ITGAV: variants seen among roughly 807,000 people sequenced by gnomAD.
ITGAV encodes the protein integrin subunit alpha V, also known as integrin alpha-V.
In ITGAV, 76 loss-of-function variants were observed where a neutral mutation model predicts 143.8. The observed-to-expected ratio is 0.53, with a 90% CI of 0.44 to 0.64. The LOEUF (loss-of-function observed/expected upper bound fraction) is 0.64. Ranked by LOEUF, ITGAV falls within the 30% of genes least tolerant of loss-of-function variation. The probability of loss-of-function intolerance (pLI) is 0.00; values close to 1 mark genes in which losing one functional copy is unlikely to be tolerated. For synonymous variants in ITGAV, 453 were observed against 446.7 expected (o/e 1.01, Z -0.18); for missense variants, 1,193 against 1,274.7 (o/e 0.94, Z 0.98).
At chr2:186,653,106 C>T (rs533118775) in intron 15 of ITGAV, among the ~76,000 whole-genome samples, 4 of 151,744 alleles carry the variant, frequency 2.6e-5, no homozygotes, top group African/African-American at 4.8e-5. Flanking sequence ...CCAACACGCC[C>T]GGCTAATTTT....
intron 26 of ITGAV, among the ~76,000 whole-genome samples, chr2:186,675,065 G>C (rs1410714385): frequency 1.3e-5 from 2 of 152,178 alleles, no homozygotes; most frequent in Non-Finnish European, 2.9e-5. Context: ...AATACAGTGT[G>C]ATCAGCATAT....
intron 1 of ITGAV, among the ~76,000 whole-genome samples, chr2:186,598,547 C>G (rs1686812914): frequency 6.6e-6 from 1 of 150,816 alleles, no homozygotes; most frequent in Admixed American, 6.6e-5. Context: ...AAGTGATTCT[C>G]CTGCCTCAGC....
At chr2:186,602,432 A>G (rs564704723) in intron 2 of ITGAV, among the ~76,000 whole-genome samples, 1 of 152,266 alleles carries the variant, frequency 6.6e-6, no homozygotes, top group East Asian at 1.9e-4. Context: ...ACCTGTTAGG[A>G]TGTTTTTGTA....
At chr2:186,658,061 A>G (rs34840521) in intron 17 of ITGAV, among the ~76,000 whole-genome samples, 47,952 of 151,988 alleles carry the variant, frequency 0.32, 8,527 homozygotes, top group East Asian at 0.77. Context: ...TAGTCTTACA[A>G]TAGATGTAAA....
Position 186,654,676 on chromosome 2 carries a change from C to G in ITGAV, c.1532C>G (p.Ala511Gly). The G allele has an allele frequency of 6.4e-7, 1 of 1,556,828 alleles. No individual in the cohort carries two copies. Among genetic ancestry groups the G allele is most frequent in the Non-Finnish European group, 8.8e-7 (1 of 1,134,314 alleles). Residue 511 changes from alanine (A) to glycine (G), a missense_variant, in exon 16 of 30, where the codon GCA (alanine) becomes GGA (glycine). Physicochemically the swap from Ala to Gly is moderately conservative, Grantham distance 60 (BLOSUM62 0). Coordinates refer to ENST00000261023, the MANE Select transcript of ITGAV (RefSeq NM_002210.5). ...TTTAATGTTAGGTTCTGCTTAAAGG[C>G]AGATGGCAAAGGAGTACTTCCCAGG... ...SCFNVRFCLK[A>G]DGKGVLPRKL...
chr2:186,626,416 A>T (rs1445126753), intron 4 of ITGAV, among the ~76,000 whole-genome samples: 1 of 152,174 alleles, frequency 6.6e-6, no homozygotes, highest in Non-Finnish European at 1.5e-5. Flanking sequence ...AAAATAGGTT[A>T]CTGAAATGCA....
At chr2:186,635,411 T>C (rs1687922279) in intron 6 of ITGAV, among the ~76,000 whole-genome samples, 1 of 152,214 alleles carries the variant, frequency 6.6e-6, no homozygotes, top group Non-Finnish European at 1.5e-5. Context: ...GAGAAAGTGC[T>C]TCTGTGCTGT....
chr2:186,652,142 G>GCC, intron 15 of ITGAV, 53 bp downstream of exon 15: 1 of 1,122,118 alleles, frequency 8.9e-7, no homozygotes, highest in Non-Finnish European at 1.3e-6. Context: ...TTCAGGCATT[G>GCC]TAAGAACAAT....
intron 1 of ITGAV, among the ~76,000 whole-genome samples, chr2:186,597,254 C>T (rs556910373): frequency 1.3e-4 from 20 of 152,230 alleles, no homozygotes; most frequent in South Asian, 4.2e-4. Context: ...TAATAACTTC[C>T]GAGCTCTCTC....
intron 15 of ITGAV, among the ~76,000 whole-genome samples, chr2:186,653,530 T>G (rs1262464501): frequency 1.3e-5 from 2 of 152,232 alleles, no homozygotes; most frequent in Non-Finnish European, 2.9e-5. Flanking sequence ...TGAATATTTT[T>G]GAATTATTGT....
At chr2:186,611,030 G>A (rs1687201054) in intron 2 of ITGAV, among the ~76,000 whole-genome samples, 1 of 152,132 alleles carries the variant, frequency 6.6e-6, no homozygotes, top group African/African-American at 2.4e-5. Context: ...GCCAAATCAA[G>A]GTGAGAAACT....
At chr2:186,611,885 A>G (rs1460401756) in intron 2 of ITGAV, among the ~76,000 whole-genome samples, 1 of 152,166 alleles carries the variant, frequency 6.6e-6, no homozygotes, top group Non-Finnish European at 1.5e-5. Flanking sequence ...AGCCTGGGCA[A>G]CATAATGAGA....
At position 186,599,138 on chromosome 2, in the gene ITGAV, A is replaced by G. The variant is rs61763619; in HGVS notation, c.186-2883A>G. 4.7e-3 allele frequency among the ~76,000 whole-genome samples: 711 copies of G among 152,350 alleles called. 6 individuals are homozygous for G. Among genetic ancestry groups the G allele is most frequent in the Middle Eastern group, 0.014 (4 of 294 alleles). On this transcript the variant is annotated intron_variant, in intron 1 of 29. Coordinates refer to ENST00000261023, the MANE Select transcript of ITGAV (RefSeq NM_002210.5). Reference sequence around the variant, plus strand: ...TTCCTTTGCCAGAATAATTTAAGTGACTTAGTATTTAATGAAACAAAATGA... The same window carrying G: ...TTCCTTTGCCAGAATAATTTAAGTGGCTTAGTATTTAATGAAACAAAATGA...
At chr2:186,649,786 A>G in intron 13 of ITGAV, 54 bp from the exon 14 acceptor site, 6 of 1,203,904 alleles carry the variant, frequency 5.0e-6, no homozygotes, top group Non-Finnish European at 7.1e-6. Flanking sequence ...AGAATGGTAT[A>G]TACATTTTAA....
chr2:186,625,526 T>A lies in ITGAV; in HGVS notation c.462T>A (p.Pro154=). The change falls in exon 4 of 30, where the codon CCT becomes CCA. Residue 154 remains proline (P), a synonymous_variant. Transcript: ENST00000261023. ...CTGAGATGAAACAGGAGCGAGAGCCTGTTGGAACATGCTTTCTTCAAGATG... is the reference window on the plus strand; with the variant it reads ...CTGAGATGAAACAGGAGCGAGAGCCAGTTGGAACATGCTTTCTTCAAGATG... The part of the protein sequence containing the change: ...WRTEMKQERE[P]VGTCFLQDGT... 6.2e-7 allele frequency: 1 copy of A among 1,614,038 alleles called. No individual in the cohort carries two copies. Among genetic ancestry groups the A allele is most frequent in the Non-Finnish European group, 8.5e-7 (1 of 1,179,988 alleles).
In ITGAV at chr2:186,659,062, C is replaced by T; in HGVS notation, c.1744C>T (p.Leu582Phe). 1.2e-6 allele frequency: 2 copies of T among 1,609,558 alleles called. No individual in the cohort carries two copies. The highest frequency in any genetic ancestry group is 1.7e-6 in the Non-Finnish European group (2 of 1,176,724). ...LRDESEFRDK[L>F]TPITIFMEYR... Reference sequence around the variant, plus strand: ...GGATGAATCTGAATTTAGAGACAAACTCACTCCAATTACTATTTTTATGGA... The same window carrying T: ...GGATGAATCTGAATTTAGAGACAAATTCACTCCAATTACTATTTTTATGGA... The change falls in exon 18 of 30, where the codon CTC (leucine) becomes TTC (phenylalanine). Residue 582 changes from leucine (L) to phenylalanine (F), a missense_variant. Transcript: ENST00000261023.
At chr2:186,644,289 AT>A (rs35435333) in intron 12 of ITGAV, among the ~76,000 whole-genome samples, 2,022 of 151,754 alleles carry the variant, frequency 0.013, 19 homozygotes, top group South Asian at 0.033. Flanking sequence ...TAGAGAAGTT[AT>A]GCTTATCTTT....
chr2:186,659,930 T>C (rs951781548), intron 18 of ITGAV, among the ~76,000 whole-genome samples: 29 of 152,130 alleles, frequency 1.9e-4, no homozygotes, highest in African/African-American at 6.7e-4. Context: ...CATTTTCTAG[T>C]ATTCATTAAC....
chr2:186,665,010 C>T, intron 20 of ITGAV, 116 bp from the exon 21 acceptor site: 1 of 694,150 alleles, frequency 1.4e-6, no homozygotes, highest in South Asian at 1.9e-5. Flanking sequence ...TTTTCCTTAC[C>T]TCCTGGTTTG....
Sources: allele counts gnomAD v4.1 joint callset (sites outside exome capture counted in the v4.1 genomes callset), GRCh38; gene constraint gnomAD v4.1.1; transcripts MANE v1.5; gene names NCBI Gene and HGNC (gene_info 2026-07-23, HGNC 2026-07-21).